The following ATP8B4 variants were observed in gnomAD, a reference collection of about 807,000 sequenced individuals.
ATP8B4 encodes the protein probable phospholipid-transporting ATPase IM.
In ATP8B4, 133 loss-of-function variants were observed where a neutral mutation model predicts 145.6. The observed-to-expected ratio is 0.91, with a 90% CI of 0.79 to 1.05. The LOEUF is 1.05. Among genes scored for constraint, ATP8B4 ranks in the 50% least tolerant of loss-of-function variants. The pLI is 0.00. For missense variants in ATP8B4, 1,458 were observed against 1,425.2 expected (o/e 1.02, Z -0.37); for synonymous variants, 507 against 492.9 (o/e 1.03, Z -0.38).
chr15:49,972,018 A>G (rs2045191010), intron 13 of ATP8B4, among the ~76,000 whole-genome samples: 1 of 152,212 alleles, frequency 6.6e-6, no homozygotes, highest in Admixed American at 6.5e-5. Context: ...AAACTAACAC[A>G]GGAACAGAAA....
intron 20 of ATP8B4, among the ~76,000 whole-genome samples, chr15:49,903,291 G>A (rs1181443687): frequency 6.6e-6 from 1 of 152,162 alleles, no homozygotes; most frequent in Non-Finnish European, 1.5e-5. Context: ...ATGACTATGA[G>A]CTATACATTT....
intron 2 of ATP8B4, among the ~76,000 whole-genome samples, chr15:50,097,267 T>C (rs1348543848): frequency 6.6e-6 from 1 of 152,192 alleles, no homozygotes; most frequent in Non-Finnish European, 1.5e-5. Flanking sequence ...TCATCTTTTT[T>C]ATCACCCTCT....
intron 3 of ATP8B4, among the ~76,000 whole-genome samples, chr15:50,066,949 A>G (rs2053424063): frequency 6.6e-6 from 1 of 151,524 alleles, no homozygotes; most frequent in African/African-American, 2.4e-5. Context: ...CCAGTTCACC[A>G]CTCCCTCTTT....
At position 49,984,869 on chromosome 15, in the gene ATP8B4, G is replaced by C. The variant is rs75852688; in HGVS notation, c.748+2522C>G. 3.7e-3 allele frequency among the ~76,000 whole-genome samples: 562 copies of C among 152,234 alleles called. 15 individuals carry two copies. Among genetic ancestry groups the C allele is most frequent in the East Asian group, 3.7e-3 (19 of 5,178 alleles). On this transcript the variant is annotated intron_variant, in intron 10 of 27. Coordinates refer to ENST00000284509, the MANE Select transcript of ATP8B4 (RefSeq NM_024837.4). ...AAGATGGTACAGACTCCTAGAGACT[G>C]TTTAAATGAATATAATTCCTGCCCT...
intron 2 of ATP8B4, among the ~76,000 whole-genome samples, chr15:50,101,299 TG>T (rs755041708): frequency 1.8e-4 from 28 of 152,180 alleles, no homozygotes; most frequent in Non-Finnish European, 3.5e-4. Context: ...CTGAAGTATT[TG>T]GGGTAAGTGT....
At chr15:50,181,462 CTT>C (rs748796825) in intron 1 of ATP8B4, among the ~76,000 whole-genome samples, 1 of 152,234 alleles carries the variant, frequency 6.6e-6, no homozygotes, top group Non-Finnish European at 1.5e-5. Flanking sequence ...GCTGACAACA[CTT>C]GACAACTTTC....
chr15:50,172,189 C>A (rs998994925), intron 1 of ATP8B4, among the ~76,000 whole-genome samples: 1 of 152,264 alleles, frequency 6.6e-6, no homozygotes, highest in African/African-American at 2.4e-5. Flanking sequence ...CCCTCTGATG[C>A]CGAGCGGAGG....
At chr15:50,028,455 G>A (rs1043198059) in intron 6 of ATP8B4, among the ~76,000 whole-genome samples, 17 of 152,162 alleles carry the variant, frequency 1.1e-4, no homozygotes, top group African/African-American at 4.1e-4. Context: ...ACCTACCAAG[G>A]TTTTCTACCA....
intron 23 of ATP8B4, chr15:49,883,520 T>G (rs1322190836): frequency 6.6e-6 from 1 of 152,202 alleles, no homozygotes; most frequent in East Asian, 1.9e-4. Flanking sequence ...TGATATTTAC[T>G]AAACATCTAC....
intron 6 of ATP8B4, among the ~76,000 whole-genome samples, chr15:50,025,154 C>T (rs533823140): frequency 1.3e-5 from 2 of 152,170 alleles, no homozygotes; most frequent in Non-Finnish European, 2.9e-5. Context: ...TCAAGTAAGT[C>T]ACAGCAGTAA....
At chr15:49,961,651 C>T (rs2044088833) in intron 14 of ATP8B4, among the ~76,000 whole-genome samples, 2 of 151,958 alleles carry the variant, frequency 1.3e-5, no homozygotes, top group Admixed American at 1.3e-4. Flanking sequence ...GAAAGATCTC[C>T]AAGATATATT....
intron 10 of ATP8B4, among the ~76,000 whole-genome samples, chr15:49,986,324 A>G (rs138592645): frequency 2.4e-4 from 37 of 152,346 alleles, no homozygotes; most frequent in African/African-American, 8.2e-4. Flanking sequence ...AAATTTCCCT[A>G]TCATTAAGTA....
chr15:49,900,962 A>C, intron 21 of ATP8B4, 130 bp downstream of exon 21: 1 of 1,179,788 alleles, frequency 8.5e-7, no homozygotes. Context: ...ACAGGAAATC[A>C]TCGCATATGC....
At chr15:49,957,935 T>C (rs2043724822) in intron 14 of ATP8B4, among the ~76,000 whole-genome samples, 1 of 151,828 alleles carries the variant, frequency 6.6e-6, no homozygotes, top group African/African-American at 2.4e-5. Context: ...AGCTAATTCC[T>C]ACCTTAAGAA....
At chr15:49,988,995 A>G (rs968588681) in intron 9 of ATP8B4, among the ~76,000 whole-genome samples, 3 of 152,144 alleles carry the variant, frequency 2.0e-5, no homozygotes, top group African/African-American at 4.8e-5. Flanking sequence ...CAATATAACA[A>G]AAGTACTGCC....
chr15:49,875,739 TAG>T (rs1336857933), intron 25 of ATP8B4, among the ~76,000 whole-genome samples: 1 of 151,954 alleles, frequency 6.6e-6, no homozygotes, highest in Non-Finnish European at 1.5e-5. Flanking sequence ...AAAAAGGAAA[TAG>T]AGACACAACT....
intron 8 of ATP8B4, among the ~76,000 whole-genome samples, chr15:49,998,559 T>C (rs1030777514): frequency 2.6e-5 from 4 of 152,356 alleles, no homozygotes; most frequent in Admixed American, 1.3e-4. Flanking sequence ...TGTCTGTTCA[T>C]GTCCTTCACC....
At chr15:50,003,671 TCCTC>T (rs2048085650) in intron 7 of ATP8B4, among the ~76,000 whole-genome samples, 1 of 152,058 alleles carries the variant, frequency 6.6e-6, no homozygotes, top group South Asian at 2.1e-4. Flanking sequence ...CCTGCACCTC[TCCTC>T]CCCTGGGCTT....
At chr15:50,106,311 C>CA (rs1277476511) in intron 2 of ATP8B4, among the ~76,000 whole-genome samples, 1 of 152,034 alleles carries the variant, frequency 6.6e-6, no homozygotes, top group Non-Finnish European at 1.5e-5. Context: ...TAACTAGAGA[C>CA]AAAAGAGACA....
Sources: allele counts gnomAD v4.1 joint callset (sites outside exome capture counted in the v4.1 genomes callset), GRCh38; gene constraint gnomAD v4.1.1; transcripts MANE v1.5; gene names NCBI Gene and HGNC (gene_info 2026-07-23, HGNC 2026-07-21).